Variants in IGF1R observed in about 807,000 individuals in gnomAD.
IGF1R encodes the protein insulin like growth factor 1 receptor.
A neutral mutation model predicts 144.6 loss-of-function variants in IGF1R; 44 were observed. The observed-to-expected ratio is 0.30, with a 90% CI of 0.24 to 0.39. The LOEUF is 0.39. IGF1R is among the 10% of genes least tolerant of loss of function. The pLI is 1.00. For missense variants in IGF1R, 1,355 were observed against 1,833.7 expected (o/e 0.74, Z 4.77); for synonymous variants, 795 against 722.8 (o/e 1.10, Z -1.60).
intron 8 of IGF1R, 97 bp downstream of exon 8, chr15:98,913,379 A>G (rs1302924776): frequency 3.2e-6 from 3 of 927,966 alleles, no homozygotes; most frequent in East Asian, 2.4e-5. Flanking sequence ...GCAGTGAGCT[A>G]TGCCTGTTGT....
intron 2 of IGF1R, among the ~76,000 whole-genome samples, chr15:98,861,706 T>C (rs1350426631): frequency 6.6e-6 from 1 of 152,228 alleles, no homozygotes; most frequent in African/African-American, 2.4e-5. Context: ...GTCTCCTTTC[T>C]GTAAAAAGGA....
intron 2 of IGF1R, among the ~76,000 whole-genome samples, chr15:98,805,423 A>G (rs2056450352): frequency 6.6e-6 from 1 of 152,184 alleles, no homozygotes; most frequent in Non-Finnish European, 1.5e-5. Flanking sequence ...CAGAGCAGCA[A>G]GACCAGACTT....
At chr15:98,892,714 C>A (rs1192385623) in intron 3 of IGF1R, among the ~76,000 whole-genome samples, 2 of 152,168 alleles carry the variant, frequency 1.3e-5, no homozygotes, top group East Asian at 3.9e-4. Context: ...GGTTGCTGTT[C>A]CCTTTCCTGG....
intron 1 of IGF1R, among the ~76,000 whole-genome samples, chr15:98,706,367 G>C (rs1414777003): frequency 6.6e-6 from 1 of 152,190 alleles, no homozygotes; most frequent in Non-Finnish European, 1.5e-5. Context: ...GAGTTTTCTT[G>C]GTGTGTGTCT....
chr15:98,960,161 A>G lies in IGF1R; in HGVS notation c.*2719A>G, dbSNP rs1248978079. 1 of 233,576 alleles carries G rather than the reference A, an allele frequency of 4.3e-6. No individual in the cohort carries two copies. The highest frequency in any genetic ancestry group is 8.5e-6 in the Non-Finnish European group (1 of 118,058). The allele number at this position is 233,576 out of a possible 1,614,324, so 14.5% of individuals were successfully genotyped here. A position where few individuals can be genotyped will look rare whatever the true frequency, so the allele number is the denominator to read the frequency against. Reference sequence around the variant, plus strand: ...GCCGTTGATACTGGTAACCTCATCCACGCCACAGGCGCCACACCCAGGTGA... The same window carrying G: ...GCCGTTGATACTGGTAACCTCATCCGCGCCACAGGCGCCACACCCAGGTGA... On this transcript the variant is annotated 3_prime_UTR_variant, in exon 21 of 21. Coordinates refer to ENST00000650285, the MANE Select transcript of IGF1R (RefSeq NM_000875.5).
chr15:98,957,135 T>C lies in IGF1R; in HGVS notation c.3797T>C (p.Ile1266Thr), dbSNP rs2151737915. 6.2e-7 allele frequency: 1 copy of C among 1,614,186 alleles called. No individual in the cohort carries two copies. Among genetic ancestry groups the C allele is most frequent in the Non-Finnish European group, 8.5e-7 (1 of 1,180,034 alleles). Reference sequence around the variant, plus strand: ...TCCTTCCTGGAGATCATCAGCAGCATCAAAGAGGAGATGGAGCCTGGCTTC... The same window carrying C: ...TCCTTCCTGGAGATCATCAGCAGCACCAAAGAGGAGATGGAGCCTGGCTTC... ...RPSFLEIISS[I>T]KEEMEPGFRE... The change falls in exon 21 of 21, where the codon ATC becomes ACC. Residue 1266 changes from isoleucine to threonine, a missense_variant. Coordinates refer to ENST00000650285, the MANE Select transcript of IGF1R (RefSeq NM_000875.5).
rs767179117 is a variant in IGF1R at position 98,916,775 on chromosome 15, C to T, written c.2100C>T (p.Cys700=). Residue 700 remains cysteine, a synonymous_variant, in exon 10 of 21, where the codon TGC becomes TGT. Coordinates refer to ENST00000650285, the MANE Select transcript of IGF1R (RefSeq NM_000875.5). ...GTGGTGGGGAGAAAGGGCCTTGCTG[C>T]GCCTGCCCCAAAACTGAAGCCGAGA... ...EVCGGEKGPC[C]ACPKTEAEKQ... is the part of the protein sequence containing the mutation. 30 of 1,613,846 alleles carry T rather than the reference C, an allele frequency of 1.9e-5. No individual in the cohort carries two copies. In the East Asian group the frequency reaches 4.9e-4, roughly 26 times the overall value.
At chr15:98,731,775 A>G (rs997323433) in intron 2 of IGF1R, among the ~76,000 whole-genome samples, 2 of 152,198 alleles carry the variant, frequency 1.3e-5, no homozygotes, top group African/African-American at 4.8e-5. Context: ...AGGCTTGTAC[A>G]TAGCCGTGAG....
intron 2 of IGF1R, among the ~76,000 whole-genome samples, chr15:98,800,644 A>T (rs536976243): frequency 3.3e-5 from 5 of 152,014 alleles, no homozygotes; most frequent in Non-Finnish European, 7.4e-5. Context: ...CCCTCCACCT[A>T]TTTGGATTAG....
intron 2 of IGF1R, among the ~76,000 whole-genome samples, chr15:98,828,838 A>G (rs2056949444): frequency 6.7e-6 from 1 of 148,578 alleles, no homozygotes; most frequent in Admixed American, 6.8e-5. Flanking sequence ...GGAATGCCTA[A>G]TATGTACTGT....
At chr15:98,653,402 A>G (rs2052416019) in intron 1 of IGF1R, among the ~76,000 whole-genome samples, 2 of 152,232 alleles carry the variant, frequency 1.3e-5, no homozygotes, top group South Asian at 2.1e-4. Context: ...TTGATATGCC[A>G]CATTGACCAC....
At chr15:98,912,423 C>T (rs1440468442) in intron 7 of IGF1R, among the ~76,000 whole-genome samples, 1 of 152,190 alleles carries the variant, frequency 6.6e-6, no homozygotes, top group African/African-American at 2.4e-5. Context: ...GCTGTCCAGC[C>T]CTTTTAGCTG....
chr15:98,884,963 G>T (rs979096103), intron 2 of IGF1R, among the ~76,000 whole-genome samples: 1 of 152,104 alleles, frequency 6.6e-6, no homozygotes, highest in Non-Finnish European at 1.5e-5. Flanking sequence ...TGTCTCCAGT[G>T]CTTCCATCCT....
At chr15:98,855,999 G>A (rs186361522) in intron 2 of IGF1R, among the ~76,000 whole-genome samples, 2 of 152,352 alleles carry the variant, frequency 1.3e-5, no homozygotes, top group East Asian at 3.9e-4. Flanking sequence ...GCATGAAGCT[G>A]CTGTATAGTG....
chr15:98,919,359 T>A (rs1287439701), intron 10 of IGF1R, among the ~76,000 whole-genome samples: 1 of 152,158 alleles, frequency 6.6e-6, no homozygotes, highest in Non-Finnish European at 1.5e-5. Flanking sequence ...TTTTTCTCTA[T>A]CATGGGCCCT....
chr15:98,821,353 C>T (rs1280101468), intron 2 of IGF1R, among the ~76,000 whole-genome samples: 3 of 151,378 alleles, frequency 2.0e-5, no homozygotes, highest in Non-Finnish European at 4.4e-5. Context: ...TTAGCTGCTT[C>T]TTACCTCCCT....
chr15:98,802,626 A>G (rs1303791205), intron 2 of IGF1R, among the ~76,000 whole-genome samples: 1 of 152,272 alleles, frequency 6.6e-6, no homozygotes, highest in African/African-American at 2.4e-5. Flanking sequence ...TGAAGAATGC[A>G]TCTGATTGTG....
At chr15:98,837,898 G>T (rs1269145927) in intron 2 of IGF1R, among the ~76,000 whole-genome samples, 1 of 152,204 alleles carries the variant, frequency 6.6e-6, no homozygotes, top group Admixed American at 6.5e-5. Context: ...GTGGCAGTCT[G>T]CTGGTTCCCA....
At chr15:98,702,044 T>TTTG (rs1480289196) in intron 1 of IGF1R, among the ~76,000 whole-genome samples, 3 of 149,386 alleles carry the variant, frequency 2.0e-5, no homozygotes, top group African/African-American at 7.4e-5. Flanking sequence ...TTTTTTTTTT[T>TTTG]TTTTTTTTTT....
Sources: allele counts gnomAD v4.1 joint callset (sites outside exome capture counted in the v4.1 genomes callset), GRCh38; gene constraint gnomAD v4.1.1; transcripts MANE v1.5; gene names NCBI Gene and HGNC (gene_info 2026-07-23, HGNC 2026-07-21).